Variants in PCED1B observed in about 807,000 individuals in gnomAD.
PCED1B encodes PC-esterase domain containing 1B, also known as PC-esterase domain-containing protein 1B.
For synonymous variants in PCED1B, 251 were observed against 246.1 expected (o/e 1.02, Z -0.19); for missense variants, 573 against 573.9 (o/e 1.00, Z 0.02).
At chr12:47,156,746 A>G (rs1226157700) in intron 2 of PCED1B, among the ~76,000 whole-genome samples, 1 of 151,972 alleles carries the variant, frequency 6.6e-6, no homozygotes, top group Non-Finnish European at 1.5e-5. Flanking sequence ...ATTTACCTCT[A>G]TCTTAGCACA....
In PCED1B at chr12:47,156,864, C is replaced by T. The variant is rs1341739923; in HGVS notation, c.-526+52669C>T. Among the ~76,000 whole-genome samples, 2 of 152,022 alleles carry T rather than the reference C, an allele frequency of 1.3e-5. 1 individual carries two copies. The highest frequency in any genetic ancestry group is 4.8e-5 in the African/African-American group (2 of 41,396). On this transcript the variant is annotated intron_variant, in intron 2 of 3. Transcript: ENST00000546455. ...GTTACTTACTAGCTGTGATCTTGGCCAAGTCATTTGACCTCTCTAAGCCTC... is the reference window on the plus strand; with the variant it reads ...GTTACTTACTAGCTGTGATCTTGGCTAAGTCATTTGACCTCTCTAAGCCTC...
At chr12:47,228,779 A>G (rs181275734) in intron 3 of PCED1B, among the ~76,000 whole-genome samples, 1 of 151,812 alleles carries the variant, frequency 6.6e-6, no homozygotes, top group Admixed American at 6.6e-5. Flanking sequence ...AGGCTGAGGC[A>G]GGAGAATCGC....
At chr12:47,135,242 T>C (rs1021652397) in intron 2 of PCED1B, among the ~76,000 whole-genome samples, 2 of 152,218 alleles carry the variant, frequency 1.3e-5, no homozygotes, top group Non-Finnish European at 2.9e-5. Context: ...ATATATGCAA[T>C]TAAGATTTTT....
intron 1 of PCED1B, among the ~76,000 whole-genome samples, chr12:47,084,513 T>C (rs904120100): frequency 2.0e-5 from 3 of 152,224 alleles, no homozygotes; most frequent in Non-Finnish European, 4.4e-5. Flanking sequence ...GTACTTTCTG[T>C]TTCTATGGAT....
intron 2 of PCED1B, among the ~76,000 whole-genome samples, chr12:47,200,962 G>A (rs1942745499): frequency 6.6e-6 from 1 of 152,198 alleles, no homozygotes; most frequent in Non-Finnish European, 1.5e-5. Flanking sequence ...CTTTTAAAAA[G>A]TTTCAGATAG....
chr12:47,143,747 A>T (rs1389255015), intron 2 of PCED1B, among the ~76,000 whole-genome samples: 1 of 152,240 alleles, frequency 6.6e-6, no homozygotes, highest in Admixed American at 6.5e-5. Flanking sequence ...ACTTGTAAAC[A>T]CAAAAGACCC....
intron 2 of PCED1B, among the ~76,000 whole-genome samples, chr12:47,185,326 G>A (rs1942220729): frequency 6.6e-6 from 1 of 152,204 alleles, no homozygotes; most frequent in East Asian, 1.9e-4. Flanking sequence ...AGAACGCTAT[G>A]TGAAGGCAGA....
At chr12:47,136,689 A>G (rs1343643784) in intron 2 of PCED1B, among the ~76,000 whole-genome samples, 1 of 152,238 alleles carries the variant, frequency 6.6e-6, no homozygotes. Flanking sequence ...TCTTAGCATC[A>G]TTATGAGATA....
intron 2 of PCED1B, among the ~76,000 whole-genome samples, chr12:47,113,269 G>C (rs1939277861): frequency 6.6e-6 from 1 of 152,142 alleles, no homozygotes; most frequent in South Asian, 2.1e-4. Context: ...CAGAAGATGG[G>C]AAAATCTCTG....
At chr12:47,113,867 G>T (rs1476618121) in intron 2 of PCED1B, among the ~76,000 whole-genome samples, 1 of 151,892 alleles carries the variant, frequency 6.6e-6, no homozygotes, top group Non-Finnish European at 1.5e-5. Flanking sequence ...AAAATTAGCT[G>T]GGTGTGGTGG....
chr12:47,222,961 C>A (rs1219892934), intron 3 of PCED1B, among the ~76,000 whole-genome samples: 1 of 152,152 alleles, frequency 6.6e-6, no homozygotes, highest in Non-Finnish European at 1.5e-5. Context: ...GAAACCAGAA[C>A]TGTTTGGGGC....
chr12:47,221,338 C>CTTTT (rs63059763), intron 3 of PCED1B, among the ~76,000 whole-genome samples: 18 of 108,908 alleles, frequency 1.7e-4, no homozygotes, highest in South Asian at 3.0e-4. Context: ...CATCAAAATT[C>CTTTT]TTTTTTTTTT....
At position 47,236,315 on chromosome 12, in the gene PCED1B, C is replaced by A. The variant is rs1305575262; in HGVS notation, c.1252C>A (p.Pro418Thr). ...PYTPWGQRPR[P>T]SKRRAPANPE... is the part of the protein sequence containing the mutation. ...TACGCCCTGGGGACAGCGGCCTCGA[C>A]CTTCAAAGAGAAGGGCCCCAGCCAA... Residue 418 changes from proline to threonine, a missense_variant, in exon 4 of 4, where the codon CCT (proline) becomes ACT (threonine). Physicochemically the swap from Pro to Thr is conservative, Grantham distance 38 (BLOSUM62 -1). Transcript: ENST00000546455. 3.7e-6 allele frequency: 6 copies of A among 1,612,304 alleles called. No homozygotes were observed. Among genetic ancestry groups the A allele is most frequent in the Non-Finnish European group, 5.1e-6 (6 of 1,179,258 alleles).
chr12:47,112,340 T>C (rs1939235730), intron 2 of PCED1B, among the ~76,000 whole-genome samples: 1 of 152,238 alleles, frequency 6.6e-6, no homozygotes, highest in Non-Finnish European at 1.5e-5. Context: ...ATACAGAGTC[T>C]TGATTGTTTA....
chr12:47,133,441 G>A (rs79081703), intron 2 of PCED1B, among the ~76,000 whole-genome samples: 12,214 of 152,194 alleles, frequency 0.08, 778 homozygotes, highest in African/African-American at 0.18. Context: ...GTTCAGGTCA[G>A]CAATAATGAT....
At position 47,235,683 on chromosome 12, in the gene PCED1B, A is replaced by G. The variant is rs1943957413; in HGVS notation, c.620A>G (p.His207Arg). ...NFHSATEARKHNFDVLDLHFH... is the reference protein window; with the variant it reads ...NFHSATEARKRNFDVLDLHFH... ...CACAGCGCCACCGAGGCACGTAAAC[A>G]TAACTTCGATGTACTGGACTTGCAT... Residue 207 changes from histidine to arginine, a missense_variant, in exon 4 of 4, where the codon CAT becomes CGT. Physicochemically the swap from His to Arg is conservative, Grantham distance 29 (BLOSUM62 0). Coordinates refer to ENST00000546455, the MANE Select transcript of PCED1B (RefSeq NM_138371.3). 1 of 1,613,174 alleles carries G rather than the reference A, an allele frequency of 6.2e-7. No homozygotes were observed. The highest frequency in any genetic ancestry group is 1.3e-5 in the African/African-American group (1 of 74,914).
intron 2 of PCED1B, among the ~76,000 whole-genome samples, chr12:47,212,757 T>C (rs1423234686): frequency 1.3e-5 from 2 of 152,222 alleles, no homozygotes; most frequent in Admixed American, 1.3e-4. Flanking sequence ...GGAACAAAAA[T>C]GAGCATTTAC....
At position 47,236,275 on chromosome 12, in the gene PCED1B, TCC is replaced by T; in HGVS notation, c.1215_1216del (p.Arg406TrpfsTer22). ...VVHRGFGRYR[P>X]RGPYTPWGQR... ...TACATAGGGGTTTTGGCAGGTATCG[TCC>T]CCGTGGCCCCTATACGCCCTGGGGA... On this transcript the variant is annotated frameshift_variant, in exon 4 of 4. Transcript: ENST00000546455. LOFTEE classifies it low-confidence loss of function (END_TRUNC). 6.2e-7 allele frequency: 1 copy of T among 1,614,092 alleles called. No individual in the cohort carries two copies. Among genetic ancestry groups the T allele is most frequent in the East Asian group, 2.2e-5 (1 of 44,852 alleles).
chr12:47,151,554 G>A (rs1406830277), intron 2 of PCED1B, among the ~76,000 whole-genome samples: 1 of 152,220 alleles, frequency 6.6e-6, no homozygotes, highest in African/African-American at 2.4e-5. Context: ...GTTAGCTCAT[G>A]TGGTTATGGA....
Sources: allele counts gnomAD v4.1 joint callset (sites outside exome capture counted in the v4.1 genomes callset), GRCh38; gene constraint gnomAD v4.1.1; transcripts MANE v1.5; gene names NCBI Gene and HGNC (gene_info 2026-07-23, HGNC 2026-07-21).